The following TRIM44 variants were observed in gnomAD, a reference collection of about 807,000 sequenced individuals.
TRIM44 encodes tripartite motif containing 44, also known as tripartite motif-containing protein 44.
A neutral mutation model predicts 37.4 loss-of-function variants in TRIM44; 13 were observed. The ratio of observed to expected loss-of-function variants is 0.35; its 90% confidence interval spans 0.23 to 0.55. The LOEUF (loss-of-function observed/expected upper bound fraction) is 0.55. Among genes scored for constraint, TRIM44 ranks in the 20% least tolerant of loss-of-function variants. The pLI, the probability that TRIM44 is intolerant of heterozygous loss-of-function variation, is 0.89. For missense variants in TRIM44, 426 were observed against 437.2 expected, an observed-to-expected ratio of 0.97 and a Z score of 0.23; for synonymous variants, 175 against 157.2, an observed-to-expected ratio of 1.11 and a Z score of -0.85.
At chr11:35,746,187 G>A (rs1308333850) in intron 4 of TRIM44, among the ~76,000 whole-genome samples, 1 of 152,174 alleles carries the variant, frequency 6.6e-6, no homozygotes, top group Non-Finnish European at 1.5e-5. Context: ...TGTCTTCATA[G>A]CTATTTTGGA....
intron 2 of TRIM44, among the ~76,000 whole-genome samples, chr11:35,692,476 T>G (rs1023806983): frequency 6.6e-6 from 1 of 152,188 alleles, no homozygotes; most frequent in African/African-American, 2.4e-5. Flanking sequence ...ATTTGTGTTA[T>G]GCTAGTTGAG....
chr11:35,749,144 T>C (rs1257672673), intron 4 of TRIM44, among the ~76,000 whole-genome samples: 1 of 152,210 alleles, frequency 6.6e-6, no homozygotes, highest in East Asian at 1.9e-4. Context: ...TTAGAGCACC[T>C]GCTTCATTCT....
At chr11:35,699,626 T>C (rs1320170970) in intron 2 of TRIM44, among the ~76,000 whole-genome samples, 1 of 151,296 alleles carries the variant, frequency 6.6e-6, no homozygotes, top group African/African-American at 2.4e-5. Flanking sequence ...GAGAAGGAAA[T>C]AAAGGGTATT....
At chr11:35,767,137 C>T (rs554591164) in intron 4 of TRIM44, among the ~76,000 whole-genome samples, 25 of 152,246 alleles carry the variant, frequency 1.6e-4, no homozygotes, top group African/African-American at 5.5e-4. Flanking sequence ...GGTGCATGCT[C>T]CTACATCAAT....
chr11:35,767,570 G>A (rs1489090438), intron 4 of TRIM44, among the ~76,000 whole-genome samples: 1 of 151,732 alleles, frequency 6.6e-6, no homozygotes, highest in African/African-American at 2.4e-5. Flanking sequence ...AATATTATGA[G>A]AATAATGTTC....
chr11:35,681,779 T>TG (rs199762963), intron 1 of TRIM44, among the ~76,000 whole-genome samples: 4 of 152,204 alleles, frequency 2.6e-5, no homozygotes, highest in African/African-American at 7.2e-5. Context: ...TCCCTAACTA[T>TG]GGAACAAATG....
At chr11:35,792,764 G>T (rs1449817850) in intron 4 of TRIM44, among the ~76,000 whole-genome samples, 1 of 152,202 alleles carries the variant, frequency 6.6e-6, no homozygotes, top group Non-Finnish European at 1.5e-5. Flanking sequence ...TAACGGTGCT[G>T]AGGTGCACTG....
intron 4 of TRIM44, among the ~76,000 whole-genome samples, chr11:35,739,792 A>G (rs1464080321): frequency 6.6e-6 from 1 of 152,136 alleles, no homozygotes; most frequent in Admixed American, 6.5e-5. Context: ...TGGAGAAACA[A>G]AAGTCCTAAT....
intron 2 of TRIM44, among the ~76,000 whole-genome samples, chr11:35,692,536 C>T (rs1465018269): frequency 2.0e-5 from 3 of 152,084 alleles, no homozygotes; most frequent in Admixed American, 2.0e-4. Flanking sequence ...TGAGCGTTTC[C>T]TTTGTCAGTG....
chr11:35,708,883 C>T (rs1001320339), intron 2 of TRIM44, among the ~76,000 whole-genome samples: 1 of 151,496 alleles, frequency 6.6e-6, no homozygotes, highest in East Asian at 1.9e-4. Flanking sequence ...GCACATTGTG[C>T]ACATGTACCC....
intron 2 of TRIM44, among the ~76,000 whole-genome samples, chr11:35,708,293 C>G (rs1460538438): frequency 1.3e-5 from 2 of 152,168 alleles, no homozygotes; most frequent in African/African-American, 2.4e-5. Context: ...AATAGGAACA[C>G]TTTTACAGTG....
Position 35,776,001 on chromosome 11 carries a change from G to T in TRIM44, c.1008-30357G>T, listed in dbSNP as rs546614750. ...TGGCCTCATAAAATGAGTTAGAGAGGATTCCCTCTCTTTTTATTGATTGGA... is the reference window on the plus strand; with the variant it reads ...TGGCCTCATAAAATGAGTTAGAGAGTATTCCCTCTCTTTTTATTGATTGGA... On this transcript the variant is annotated intron_variant, in intron 4 of 4. Coordinates refer to ENST00000299413, the MANE Select transcript of TRIM44 (RefSeq NM_017583.6). 1.6e-4 allele frequency among the ~76,000 whole-genome samples: 25 copies of T among 152,302 alleles called. No homozygotes were observed. The South Asian group carries it at 4.6e-3, about 28-fold the overall frequency.
At chr11:35,723,039 A>C (rs1194540995) in intron 2 of TRIM44, among the ~76,000 whole-genome samples, 28 of 135,350 alleles carry the variant, frequency 2.1e-4, no homozygotes, top group South Asian at 1.0e-3. Flanking sequence ...GTCTCTCTCT[A>C]CCTCCCTCCC....
intron 1 of TRIM44, among the ~76,000 whole-genome samples, chr11:35,666,743 G>A (rs910438680): frequency 3.9e-5 from 6 of 152,032 alleles, no homozygotes; most frequent in South Asian, 2.1e-4. Context: ...TGGTCGACAC[G>A]GCAAGACCCT....
At chr11:35,789,879 C>T (rs1035221333) in intron 4 of TRIM44, among the ~76,000 whole-genome samples, 14 of 150,520 alleles carry the variant, frequency 9.3e-5, no homozygotes, top group Admixed American at 5.9e-4. Context: ...ATCGTAAATA[C>T]GATAGATTTC....
At chr11:35,687,301 G>A (rs1422867613) in intron 2 of TRIM44, among the ~76,000 whole-genome samples, 1 of 152,170 alleles carries the variant, frequency 6.6e-6, no homozygotes, top group Non-Finnish European at 1.5e-5. Flanking sequence ...TGAAAATATC[G>A]GGGACATTGG....
rs1254883543 is a variant in TRIM44, at chr11:35,707,336, G to A, written c.748-18588G>A. ...TCAATATCGTGAAAATGGCCATACT[G>A]CCCAAGGTAATTTATAGATTCAATG... On this transcript the variant is annotated intron_variant, in intron 2 of 4. Coordinates refer to ENST00000299413, the MANE Select transcript of TRIM44 (RefSeq NM_017583.6). Among the ~76,000 whole-genome samples, 4 of 152,234 alleles carry A rather than the reference G, an allele frequency of 2.6e-5. No homozygotes were observed. The South Asian group carries it at 6.2e-4, about 24-fold the overall frequency.
At chr11:35,694,315 G>A (rs1257489765) in intron 2 of TRIM44, among the ~76,000 whole-genome samples, 5 of 152,138 alleles carry the variant, frequency 3.3e-5, no homozygotes, top group Admixed American at 6.5e-5. Flanking sequence ...TTCTAGAAGA[G>A]TGAAAGCTTC....
intron 2 of TRIM44, among the ~76,000 whole-genome samples, chr11:35,714,553 C>A (rs1852015962): frequency 6.6e-6 from 1 of 152,194 alleles, no homozygotes; most frequent in South Asian, 2.1e-4. Flanking sequence ...TGGCAGTATG[C>A]AGTTGTTTTG....
Sources: allele counts gnomAD v4.1 joint callset (sites outside exome capture counted in the v4.1 genomes callset), GRCh38; gene constraint gnomAD v4.1.1; transcripts MANE v1.5; gene names NCBI Gene and HGNC (gene_info 2026-07-23, HGNC 2026-07-21).